The following CIROZ variants were observed in gnomAD, a reference collection of about 807,000 sequenced individuals.
CIROZ encodes ciliated left-right organizer protein containing ZP-N domains.
chr1:10,950,938 A>T, the CIROZ span, among the ~76,000 whole-genome samples: 3 of 152,342 alleles, frequency 2.0e-5, no homozygotes, highest in African/African-American at 7.2e-5. Flanking sequence ...GCTCCAGCTA[A>T]GCGAGGCTGC....
At chr1:10,975,462 A>C in the CIROZ span, among the ~76,000 whole-genome samples, 1 of 148,658 alleles carries the variant, frequency 6.7e-6, no homozygotes, top group African/African-American at 2.5e-5. Flanking sequence ...GGTGGTGCAC[A>C]CCTGTAGTCC....
At chr1:10,978,537 G>A in the CIROZ span, among the ~76,000 whole-genome samples, 565 of 151,766 alleles carry the variant, frequency 3.7e-3, 2 homozygotes, top group African/African-American at 0.013. Flanking sequence ...AGCAAGACTC[G>A]ATGTCTACAA....
the CIROZ span, among the ~76,000 whole-genome samples, chr1:10,978,945 G>T: frequency 6.6e-6 from 1 of 152,018 alleles, no homozygotes; most frequent in African/African-American, 2.4e-5. Flanking sequence ...ATAAAAAATT[G>T]TGGGAAGCCC....
At chr1:10,949,405 G>C in the CIROZ span, 9 of 594,238 alleles carry the variant, frequency 1.5e-5, no homozygotes, top group African/African-American at 7.5e-5. Context: ...CGACAGATGA[G>C]GGGGGCTGCC....
the CIROZ span, among the ~76,000 whole-genome samples, chr1:10,969,525 G>C: frequency 1.1e-4 from 17 of 152,194 alleles, no homozygotes; most frequent in Admixed American, 1.1e-3. Flanking sequence ...CACTTTTGCA[G>C]AGTGATTTCG....
At chr1:10,975,496 G>A in the CIROZ span, among the ~76,000 whole-genome samples, 1 of 151,432 alleles carries the variant, frequency 6.6e-6, no homozygotes, top group Non-Finnish European at 1.5e-5. Flanking sequence ...GGCTGAGGCT[G>A]GAGAATCACT....
chr1:10,954,684 A>C, the CIROZ span, among the ~76,000 whole-genome samples: 26 of 152,148 alleles, frequency 1.7e-4, no homozygotes, highest in Non-Finnish European at 3.5e-4. Context: ...CCCATTGCCT[A>C]GGCAGGAGTG....
the CIROZ span, chr1:10,948,471 T>C: frequency 1.9e-6 from 3 of 1,613,920 alleles, no homozygotes; most frequent in Non-Finnish European, 1.7e-6. Context: ...TCCTGGAGAC[T>C]TGGCGGGGTC....
chr1:10,975,590 G>GA, the CIROZ span, among the ~76,000 whole-genome samples: 488 of 98,498 alleles, frequency 5.0e-3, 3 homozygotes, highest in African/African-American at 8.5e-3. Context: ...CTCTGTCTCA[G>GA]AAAAAAAAAA....
the CIROZ span, among the ~76,000 whole-genome samples, chr1:10,952,917 T>A: frequency 2.0e-5 from 3 of 152,248 alleles, no homozygotes; most frequent in Non-Finnish European, 4.4e-5. Context: ...TGGGGCCTCA[T>A]AAATCGCAAC....
chr1:10,962,216 C>A, the CIROZ span, among the ~76,000 whole-genome samples: 1 of 152,132 alleles, frequency 6.6e-6, no homozygotes, highest in Non-Finnish European at 1.5e-5. Flanking sequence ...GAGGCCGAGG[C>A]AGGCGGATCA....
chr1:10,963,989 T>C, the CIROZ span: 5 of 1,060,684 alleles, frequency 4.7e-6, no homozygotes, highest in Non-Finnish European at 6.7e-6. Flanking sequence ...AACAATGCCA[T>C]ACTGCATCTG....
chr1:10,969,210 A>G, the CIROZ span, among the ~76,000 whole-genome samples: 1 of 151,938 alleles, frequency 6.6e-6, no homozygotes, highest in East Asian at 1.9e-4. Context: ...TTTCTGTGCA[A>G]AAGAGAGGAG....
chr1:10,955,581 GC>G, the CIROZ span, among the ~76,000 whole-genome samples: 2 of 152,092 alleles, frequency 1.3e-5, no homozygotes, highest in Admixed American at 1.3e-4. Flanking sequence ...AGTGGTCCAT[GC>G]CTGTAATCCC....
chr1:10,957,104 G>A, the CIROZ span: 2 of 1,548,856 alleles, frequency 1.3e-6, no homozygotes, highest in African/African-American at 2.7e-5. Flanking sequence ...GAGGTGTTCA[G>A]CACCTGGGGA....
the CIROZ span, among the ~76,000 whole-genome samples, chr1:10,953,529 C>T: frequency 2.0e-5 from 3 of 152,130 alleles, no homozygotes; most frequent in African/African-American, 7.2e-5. Context: ...CAAGGACACT[C>T]GTCTGTCTAC....
chr1:10,966,759 G>A, the CIROZ span, among the ~76,000 whole-genome samples: 3 of 151,878 alleles, frequency 2.0e-5, no homozygotes, highest in Admixed American at 6.6e-5. Context: ...CATGTCCCCC[G>A]GCTTCCTCCT....
At chr1:10,957,263 C>A in the CIROZ span, among the ~76,000 whole-genome samples, 1 of 152,198 alleles carries the variant, frequency 6.6e-6, no homozygotes, top group Non-Finnish European at 1.5e-5. Flanking sequence ...GGCGCCGATG[C>A]AACTAGGAAA....
chr1:10,957,327 G>A, the CIROZ span, among the ~76,000 whole-genome samples: 1 of 152,218 alleles, frequency 6.6e-6, no homozygotes, highest in Admixed American at 6.5e-5. Context: ...CAAATGTCAT[G>A]TGAGCCGTCT....
Sources: allele counts gnomAD v4.1 joint callset (sites outside exome capture counted in the v4.1 genomes callset), GRCh38; gene constraint gnomAD v4.1.1; transcripts MANE v1.5; gene names NCBI Gene and HGNC (gene_info 2026-07-23, HGNC 2026-07-21).